MSRA: variants seen among roughly 807,000 people sequenced by gnomAD.
MSRA encodes the protein methionine sulfoxide reductase A, also known as mitochondrial peptide methionine sulfoxide reductase.
MSRA carries 54 observed loss-of-function variants against 31.3 expected under a neutral mutation model. The ratio of observed to expected loss-of-function variants is 1.73; its 90% CI spans 1.39 to 2.17. The LOEUF is 2.17. MSRA is among the 30% of genes most tolerant of loss of function. The probability of loss-of-function intolerance (pLI) is 0.00; values close to 1 mark genes in which losing one functional copy is unlikely to be tolerated. For synonymous variants in MSRA, 169 were observed against 116.5 expected (o/e 1.45, Z -2.90); for missense variants, 507 against 300.9 (o/e 1.69, Z -5.07).
intron 5 of MSRA, among the ~76,000 whole-genome samples, chr8:10,332,053 G>C (rs965835124): frequency 6.6e-6 from 1 of 152,118 alleles, no homozygotes; most frequent in East Asian, 1.9e-4. Context: ...TCCAACCATA[G>C]TTACAATATA....
chr8:10,176,715 C>T (rs940839258), intron 1 of MSRA, among the ~76,000 whole-genome samples: 10 of 152,158 alleles, frequency 6.6e-5, no homozygotes, highest in African/African-American at 1.9e-4. Flanking sequence ...ACCAGACTTA[C>T]GAAGTGAACT....
chr8:10,128,379 T>A lies in MSRA; in HGVS notation c.142+73721T>A, dbSNP rs182336540. Among the ~76,000 whole-genome samples, 333 of 149,544 alleles carry A rather than the reference T, an allele frequency of 2.2e-3. 2 individuals are homozygous for A. The highest frequency in any genetic ancestry group is 0.01 in the Middle Eastern group (3 of 294). On this transcript the variant is annotated intron_variant, in intron 1 of 5. Coordinates refer to ENST00000317173, the MANE Select transcript of MSRA (RefSeq NM_012331.5). ...GGGCGACAAAAGCAAAACTCTTGTC[T>A]CAAAAAAAAAAAAAATTCTGTCTAA...
chr8:10,249,575 T>G (rs1409625197), intron 3 of MSRA, among the ~76,000 whole-genome samples: 1 of 152,132 alleles, frequency 6.6e-6, no homozygotes, highest in Admixed American at 6.5e-5. Context: ...GCTGAGAAAC[T>G]TACCTCACCC....
intron 5 of MSRA, among the ~76,000 whole-genome samples, chr8:10,366,238 G>A (rs1456741085): frequency 1.3e-5 from 2 of 152,252 alleles, no homozygotes; most frequent in Non-Finnish European, 2.9e-5. Context: ...CCAGGCAAAG[G>A]CAGCTTGGGG....
intron 1 of MSRA, among the ~76,000 whole-genome samples, chr8:10,055,895 C>T (rs2255124): frequency 0.22 from 33,163 of 151,924 alleles, 3,802 homozygotes; most frequent in Admixed American, 0.3. Flanking sequence ...GTTTCTGTTT[C>T]CTGGTTTCCC....
intron 2 of MSRA, among the ~76,000 whole-genome samples, chr8:10,227,068 G>T (rs1473300864): frequency 6.6e-6 from 1 of 152,196 alleles, no homozygotes; most frequent in Non-Finnish European, 1.5e-5. Context: ...GGGAGCAGCT[G>T]TGGCTCCACT....
chr8:10,213,601 T>C (rs1809716360), intron 2 of MSRA, among the ~76,000 whole-genome samples: 1 of 152,012 alleles, frequency 6.6e-6, no homozygotes, highest in Admixed American at 6.6e-5. Flanking sequence ...CATGCCTGGC[T>C]AATTTTCTGT....
intron 5 of MSRA, among the ~76,000 whole-genome samples, chr8:10,331,846 T>C (rs924242698): frequency 3.9e-5 from 6 of 152,242 alleles, no homozygotes; most frequent in African/African-American, 1.4e-4. Flanking sequence ...AAAATAGTTA[T>C]GCTGTATTCT....
intron 2 of MSRA, among the ~76,000 whole-genome samples, chr8:10,230,335 C>G (rs555868430): frequency 6.6e-6 from 1 of 152,156 alleles, no homozygotes; most frequent in Non-Finnish European, 1.5e-5. Context: ...GGAAATGGCA[C>G]TGGGTGGATG....
chr8:10,067,343 G>C (rs886845675), intron 1 of MSRA, among the ~76,000 whole-genome samples: 6 of 152,150 alleles, frequency 3.9e-5, no homozygotes, highest in African/African-American at 1.2e-4. Context: ...TCTTTTCCTG[G>C]TTGGATAGCC....
Position 10,337,911 on chromosome 8 carries a change from G to A in MSRA, c.543+17922G>A, listed in dbSNP as rs560303231. The A allele has an allele frequency of 5.0e-4, 334 of 662,790 alleles. No individual in the cohort carries two copies. The South Asian group carries it at 5.4e-3, about 11-fold the overall frequency. 41.1% of individuals were successfully genotyped at this position (662,790 alleles called of 1,614,324 possible). Reference sequence around the variant, plus strand: ...TTCTTTGTTATGACAGCAGGGCTTCGTGTTTCTGATGCAAGACTAATAAGA... The same window carrying A: ...TTCTTTGTTATGACAGCAGGGCTTCATGTTTCTGATGCAAGACTAATAAGA... On this transcript the variant is annotated intron_variant, in intron 5 of 5. Coordinates refer to ENST00000317173, the MANE Select transcript of MSRA (RefSeq NM_012331.5).
chr8:10,399,379 T>C (rs1807300430), intron 5 of MSRA, among the ~76,000 whole-genome samples: 2 of 152,170 alleles, frequency 1.3e-5, no homozygotes. Context: ...TGGTGCCAGG[T>C]ATAGGATCAG....
chr8:10,266,297 T>C (rs1015015113), intron 3 of MSRA, among the ~76,000 whole-genome samples: 2 of 152,234 alleles, frequency 1.3e-5, no homozygotes, highest in African/African-American at 2.4e-5. Flanking sequence ...GTAACAGGTG[T>C]GTAGCCGTAT....
intron 1 of MSRA, among the ~76,000 whole-genome samples, chr8:10,114,442 C>T (rs550948814): frequency 3.3e-5 from 5 of 152,202 alleles, no homozygotes; most frequent in Non-Finnish European, 7.3e-5. Flanking sequence ...CATCATTTTA[C>T]TTTGCTACCA....
intron 1 of MSRA, among the ~76,000 whole-genome samples, chr8:10,173,599 T>A: frequency 6.6e-6 from 1 of 152,306 alleles, no homozygotes; most frequent in Middle Eastern, 3.4e-3. Flanking sequence ...CTCAAACGTA[T>A]GCTCAGCACT....
At chr8:10,254,460 T>C (rs1798073757) in intron 3 of MSRA, among the ~76,000 whole-genome samples, 1 of 152,248 alleles carries the variant, frequency 6.6e-6, no homozygotes, top group Admixed American at 6.5e-5. Context: ...AATACCCATC[T>C]TAGGTTTAGA....
intron 5 of MSRA, among the ~76,000 whole-genome samples, chr8:10,420,805 A>T (rs1230378504): frequency 1.3e-5 from 2 of 152,174 alleles, no homozygotes; most frequent in African/African-American, 4.8e-5. Flanking sequence ...TGATAGTTGT[A>T]CAACAATGTG....
At chr8:10,337,682 A>C (rs1357217214) in intron 5 of MSRA, 11 of 700,628 alleles carry the variant, frequency 1.6e-5, no homozygotes, top group Non-Finnish European at 2.9e-5. Context: ...TTTCATCTTG[A>C]ACCTTATACT....
chr8:10,425,972 G>A (rs1809133410), intron 5 of MSRA, among the ~76,000 whole-genome samples: 2 of 152,168 alleles, frequency 1.3e-5, no homozygotes, highest in Admixed American at 6.5e-5. Context: ...GGTGCTGCCT[G>A]GAGCAGATGG....
Sources: gnomAD v4.1 joint callset for allele counts (sites outside exome capture counted in the v4.1 genomes callset) on GRCh38, gnomAD v4.1.1 for gene constraint, MANE v1.5 for transcripts, NCBI Gene and HGNC (gene_info 2026-07-23, HGNC 2026-07-21) for gene names.